The following CENPC variants were observed in gnomAD, a reference collection of about 807,000 sequenced individuals.
CENPC encodes centromere protein C, also known as CENP-C 1.
CENPC carries 63 observed loss-of-function variants against 112.1 expected under a neutral mutation model. The observed-to-expected ratio is 0.56, with a 90% CI of 0.46 to 0.69. The LOEUF is 0.69. CENPC is among the 30% of genes least tolerant of loss of function. The pLI, the probability that CENPC is intolerant of heterozygous loss-of-function variation, is 0.00. For synonymous variants in CENPC, 333 were observed against 367.6 expected, an observed-to-expected ratio of 0.91 and a Z score of 1.08; for missense variants, 1,000 against 1,103.8, an observed-to-expected ratio of 0.91 and a Z score of 1.33.
chr4:67,486,399 T>C (rs1189916090), intron 17 of CENPC, among the ~76,000 whole-genome samples: 1 of 152,164 alleles, frequency 6.6e-6, no homozygotes, highest in Admixed American at 6.6e-5. Flanking sequence ...AAAATAAATA[T>C]TTAATACCAA....
At chr4:67,539,363 T>C (rs1253208881) in intron 4 of CENPC, among the ~76,000 whole-genome samples, 1 of 152,210 alleles carries the variant, frequency 6.6e-6, no homozygotes, top group Non-Finnish European at 1.5e-5. Flanking sequence ...ATAATTTGCC[T>C]TAGATTAGCT....
chr4:67,491,190 T>G (rs1725248143), intron 16 of CENPC, among the ~76,000 whole-genome samples: 1 of 149,672 alleles, frequency 6.7e-6, no homozygotes, highest in African/African-American at 2.4e-5. Context: ...TTATTATTAT[T>G]GAGACAGGGT....
chr4:67,496,515 C>A (rs565933767), intron 12 of CENPC, among the ~76,000 whole-genome samples: 1 of 152,092 alleles, frequency 6.6e-6, no homozygotes, highest in South Asian at 2.1e-4. Context: ...CCCTAAAAAG[C>A]AGGTCTGAGC....
In CENPC at chr4:67,509,207, TACACACACACACACAC is replaced by T. The variant is rs36207189; in HGVS notation, c.1613-118_1613-103del. ...ATATTTGCATATAAACATATACACA[TACACACACACACACAC>T]ACACACACACACACACACACACACA... On this transcript the variant is annotated intron_variant, in intron 9 of 18. Coordinates refer to ENST00000273853, the MANE Select transcript of CENPC (RefSeq NM_001812.4). 6.6e-3 allele frequency: 3,222 copies of T among 485,714 alleles called. 1 individual carries two copies. Among genetic ancestry groups the T allele is most frequent in the African/African-American group, 0.012 (567 of 48,590 alleles). 30.1% of individuals were successfully genotyped at this position (485,714 alleles called of 1,614,324 possible). A position where few individuals can be genotyped will look rare whatever the true frequency, so the allele number is the denominator to read the frequency against.
chr4:67,521,018 T>TAAAC (rs1265603763), intron 5 of CENPC, among the ~76,000 whole-genome samples: 4 of 131,526 alleles, frequency 3.0e-5, no homozygotes, highest in African/African-American at 5.6e-5. Flanking sequence ...TCTCAAAAAA[T>TAAAC]AAACAAATAA....
At chr4:67,531,695 T>C (rs577004553) in intron 4 of CENPC, among the ~76,000 whole-genome samples, 10 of 152,314 alleles carry the variant, frequency 6.6e-5, no homozygotes, top group African/African-American at 2.4e-4. Context: ...CGTTACTGCA[T>C]TTCACTGCTG....
chr4:67,523,503 T>C (rs768635778), intron 5 of CENPC, among the ~76,000 whole-genome samples: 13 of 152,208 alleles, frequency 8.5e-5, no homozygotes, highest in Non-Finnish European at 1.9e-4. Flanking sequence ...TTCTCATTCA[T>C]GTAATGGGAG....
intron 2 of CENPC, 126 bp from the exon 3 acceptor site, chr4:67,541,176 TG>T: frequency 1.6e-6 from 1 of 632,262 alleles, no homozygotes; most frequent in Non-Finnish European, 2.7e-6. Context: ...CTTTACTATT[TG>T]AAGACAAAAC....
intron 17 of CENPC, among the ~76,000 whole-genome samples, chr4:67,477,312 C>T (rs936440523): frequency 5.3e-5 from 8 of 152,210 alleles, no homozygotes; most frequent in Non-Finnish European, 1.0e-4. Flanking sequence ...CACTCCCCTG[C>T]TACCTCCACT....
At chr4:67,514,924 A>G (rs1302081037) in intron 7 of CENPC, among the ~76,000 whole-genome samples, 1 of 150,568 alleles carries the variant, frequency 6.6e-6, no homozygotes, top group Non-Finnish European at 1.5e-5. Context: ...GACATCAACA[A>G]ATTTGATCCC....
chr4:67,479,114 A>G (rs1451200426), intron 17 of CENPC, among the ~76,000 whole-genome samples: 2 of 152,168 alleles, frequency 1.3e-5, no homozygotes, highest in South Asian at 4.1e-4. Context: ...ACGGCAACAC[A>G]CTTATACTCA....
intron 6 of CENPC, 57 bp from the exon 7 acceptor site, chr4:67,518,425 A>T: frequency 6.9e-7 from 1 of 1,441,566 alleles, no homozygotes; most frequent in Non-Finnish European, 9.1e-7. Context: ...TTGAGTTATA[A>T]GTCTTCCTGA....
At position 67,474,934 on chromosome 4, in the gene CENPC, T is replaced by C; in HGVS notation, c.2715A>G (p.Glu905=). The part of the protein sequence containing the change: ...NFGDLLCTLH[E]TPYILSTGDS... The stretch of plus-strand genomic sequence containing the variant: ...CCCCAGTACTTAATATATAAGGTGT[T>C]TCATGTAAAGTACACAAAAGGTCAC... The change falls in exon 18 of 19, where the codon GAA becomes GAG. Residue 905 remains glutamate, a synonymous_variant. Coordinates refer to ENST00000273853, the MANE Select transcript of CENPC (RefSeq NM_001812.4). 6.3e-7 allele frequency: 1 copy of C among 1,582,598 alleles called. No individual in the cohort carries two copies. The highest frequency in any genetic ancestry group is 8.6e-7 in the Non-Finnish European group (1 of 1,161,632).
chr4:67,519,160 T>C, intron 6 of CENPC, 57 bp downstream of exon 6: 1 of 1,311,932 alleles, frequency 7.6e-7, no homozygotes, highest in Non-Finnish European at 1.0e-6. Context: ...TTACCATTTT[T>C]TAATACAAAA....
Position 67,495,178 on chromosome 4 carries a change from G to C in CENPC, c.2166C>G (p.Asn722Lys), listed in dbSNP as rs370777522. Residue 722 changes from asparagine (N) to lysine (K), a missense_variant, in exon 13 of 19, where the codon AAC becomes AAG. Asn to Lys is a moderately conservative substitution (Grantham distance 94). Coordinates refer to ENST00000273853, the MANE Select transcript of CENPC (RefSeq NM_001812.4). Reference sequence around the variant, plus strand: ...TCTTACCTAGTTTGTGATGGATTCTGTTCTTTGGTATCACTTTAGATTGTT... The same window carrying C: ...TCTTACCTAGTTTGTGATGGATTCTCTTCTTTGGTATCACTTTAGATTGTT... The part of the protein sequence containing the change: ...DSKQSKVIPK[N>K]RIHHKLVLPS... The C allele has an allele frequency of 5.4e-5, 82 of 1,530,418 alleles. No homozygotes were observed. The highest frequency in any genetic ancestry group is 3.4e-4 in the Middle Eastern group (2 of 5,932). 94.8% of individuals were successfully genotyped at this position (1,530,418 alleles called of 1,614,324 possible). A position where few individuals can be genotyped will look rare whatever the true frequency, so the allele number is the denominator to read the frequency against.
intron 1 of CENPC, 70 bp downstream of exon 1, chr4:67,545,268 C>T (rs540329013): frequency 0.013 from 18,851 of 1,423,832 alleles, 170 homozygotes; most frequent in Non-Finnish European, 0.016. Context: ...TTTCCTTCTC[C>T]CCAGCCTCGG....
intron 12 of CENPC, among the ~76,000 whole-genome samples, chr4:67,498,609 A>G (rs542969865): frequency 3.3e-5 from 5 of 152,220 alleles, no homozygotes; most frequent in South Asian, 2.1e-4. Flanking sequence ...TCGTTCTTCC[A>G]TAAGAAGCAA....
At chr4:67,491,725 A>G (rs1000427653) in intron 16 of CENPC, among the ~76,000 whole-genome samples, 4 of 151,974 alleles carry the variant, frequency 2.6e-5, no homozygotes, top group African/African-American at 9.7e-5. Flanking sequence ...TCATCCTCAC[A>G]AAGGATTCAT....
chr4:67,492,102 A>G, intron 16 of CENPC, 78 bp downstream of exon 16: 1 of 961,560 alleles, frequency 1.0e-6, no homozygotes, highest in Non-Finnish European at 1.6e-6. Context: ...GGGAAAGTAG[A>G]CAGGCCAATC....
Sources: allele counts gnomAD v4.1 joint callset (sites outside exome capture counted in the v4.1 genomes callset), GRCh38; gene constraint gnomAD v4.1.1; transcripts MANE v1.5; gene names NCBI Gene and HGNC (gene_info 2026-07-23, HGNC 2026-07-21).